Variants in RALGPS1 observed in about 807,000 individuals in gnomAD.
RALGPS1 encodes the protein Ral GEF with PH domain and SH3 binding motif 1.
In RALGPS1, 19 loss-of-function variants were observed where a neutral mutation model predicts 78.8. The observed-to-expected ratio is 0.24, with a 90% CI of 0.17 to 0.35. The LOEUF (loss-of-function observed/expected upper bound fraction) is 0.35. Ranked by LOEUF, RALGPS1 falls within the 10% of genes least tolerant of loss-of-function variation. RALGPS1 has a pLI of 1.00. For missense variants in RALGPS1, 454 were observed against 688.3 expected (o/e 0.66, Z 3.81); for synonymous variants, 228 against 256.3 (o/e 0.89, Z 1.06).
At chr9:127,174,646 C>A (rs879126457) in intron 10 of RALGPS1, 69 bp from the exon 11 acceptor site, 107 of 1,427,282 alleles carry the variant, frequency 7.5e-5, no homozygotes, top group Admixed American at 2.4e-4. Context: ...GTAGCTTTTC[C>A]CAGCCCCAAA....
intron 8 of RALGPS1, among the ~76,000 whole-genome samples, chr9:127,131,603 C>A: frequency 6.6e-6 from 1 of 152,314 alleles, no homozygotes; most frequent in African/African-American, 2.4e-5. Context: ...CAGTAAGCAG[C>A]GAAGTCAGGA....
chr9:127,000,534 CTTTTTTTTTTTTTTTTT>C (rs1163116649), intron 4 of RALGPS1, among the ~76,000 whole-genome samples: 10 of 33,338 alleles, frequency 3.0e-4, no homozygotes, highest in East Asian at 1.3e-3. Context: ...CTTGTCTTGT[CTTTTTTTTTTTTTTTTT>C]TTTTTTTTTT....
intron 4 of RALGPS1, among the ~76,000 whole-genome samples, chr9:126,982,894 CTCT>C (rs1001744447): frequency 9.8e-5 from 12 of 122,128 alleles, no homozygotes; most frequent in African/African-American, 3.3e-4. Flanking sequence ...TCCCCTTCTT[CTCT>C]TCTTTTCTTC....
chr9:127,219,278 C>T lies in RALGPS1; in HGVS notation c.*509C>T, dbSNP rs923841925. The stretch of plus-strand genomic sequence containing the variant: ...CTGTACGTGTGTGTGTGTGTGTGAG[C>T]GAGTGTGAACTCTTCAAGAAACATG... On this transcript the variant is annotated 3_prime_UTR_variant, in exon 19 of 19. Transcript: ENST00000259351. This position sits in a 1 kb window ranked among gnomAD's most constrained non-coding sequence, Gnocchi z 5.0. 3.0e-5 allele frequency: 5 copies of T among 164,168 alleles called. No individual in the cohort carries two copies. Among genetic ancestry groups the T allele is most frequent in the Admixed American group, 1.7e-4 (3 of 17,322 alleles). 10.2% of individuals were successfully genotyped at this position (164,168 alleles called of 1,614,324 possible). A position where few individuals can be genotyped will look rare whatever the true frequency, so the allele number is the denominator to read the frequency against.
chr9:127,110,176 C>T (rs1482161997), intron 8 of RALGPS1, among the ~76,000 whole-genome samples: 1 of 152,180 alleles, frequency 6.6e-6, no homozygotes, highest in African/African-American at 2.4e-5. Context: ...CTCTTGAGCC[C>T]ACCCTCATCA....
Position 127,052,891 on chromosome 9 carries a change from A to G in RALGPS1, c.435A>G (p.Val145=), listed in dbSNP as rs2048412050. 4 of 1,611,126 alleles carry G rather than the reference A, an allele frequency of 2.5e-6. No homozygotes were observed. The highest frequency in any genetic ancestry group is 2.2e-5 in the East Asian group (1 of 44,874). Residue 145 remains valine (V), a synonymous_variant, in exon 7 of 19, where the codon GTA becomes GTG. Coordinates refer to ENST00000259351, the MANE Select transcript of RALGPS1 (RefSeq NM_014636.3). ...LNNLHSLMSV[V]SALQSAPIFR... ...ACCTTCATTCTCTCATGTCTGTGGT[A>G]TCAGCATTACAAAGTGCTCCCATCT...
intron 8 of RALGPS1, among the ~76,000 whole-genome samples, chr9:127,139,183 A>G (rs2138582462): frequency 6.6e-6 from 1 of 152,324 alleles, no homozygotes; most frequent in African/African-American, 2.4e-5. Context: ...TGGGTCACGT[A>G]GTCCTGTGCT....
At chr9:126,983,217 G>A (rs2041490218) in intron 4 of RALGPS1, among the ~76,000 whole-genome samples, 1 of 151,944 alleles carries the variant, frequency 6.6e-6, no homozygotes, top group Non-Finnish European at 1.5e-5. Flanking sequence ...GATTACAGAT[G>A]TAAGCCACTG....
intron 8 of RALGPS1, chr9:127,069,635 A>AT: frequency 3.1e-6 from 1 of 322,106 alleles, no homozygotes; most frequent in South Asian, 4.0e-5. Context: ...AATGAGAGTG[A>AT]TAAGACTCGT....
intron 8 of RALGPS1, among the ~76,000 whole-genome samples, chr9:127,133,478 G>A (rs1048405933): frequency 4.6e-5 from 7 of 152,210 alleles, no homozygotes; most frequent in African/African-American, 7.2e-5. Context: ...AGCCGCCTTT[G>A]CCTGCAAATA....
intron 14 of RALGPS1, among the ~76,000 whole-genome samples, chr9:127,201,484 C>G (rs115556454): frequency 6.2e-4 from 94 of 152,370 alleles, no homozygotes; most frequent in African/African-American, 2.2e-3. Context: ...CCATCCTGCA[C>G]TGCTTCTTAC....
At chr9:127,089,057 C>A (rs1392411907) in intron 8 of RALGPS1, 1 of 1,614,190 alleles carries the variant, frequency 6.2e-7, no homozygotes, top group South Asian at 1.1e-5. Context: ...GTAATGGCCC[C>A]CGCGGTACCA....
chr9:127,173,333 G>A (rs763085566), intron 10 of RALGPS1, among the ~76,000 whole-genome samples: 6 of 152,126 alleles, frequency 3.9e-5, no homozygotes, highest in Admixed American at 6.5e-5. Context: ...CAGAGGGAGC[G>A]ATAAGGACCC....
rs765070659 is a variant in RALGPS1, at chr9:127,212,740, C to T, written c.1446+21C>T. The T allele has an allele frequency of 8.8e-6, 14 of 1,586,398 alleles. No individual in the cohort carries two copies. Among genetic ancestry groups the T allele is most frequent in the Non-Finnish European group, 1.1e-5 (13 of 1,156,544 alleles). ...AACACGTAAGTCCCTTGAAAGGACT[C>T]TAGTGCTGGGACTTCCTCTAGTGGG... On this transcript the variant is annotated intron_variant, in intron 16 of 18. Coordinates refer to ENST00000259351, the MANE Select transcript of RALGPS1 (RefSeq NM_014636.3). The surrounding 1 kb of genome is among the most constrained non-coding windows in gnomAD (Gnocchi z 6.0).
At chr9:127,083,703 C>T (rs1341452526) in intron 8 of RALGPS1, among the ~76,000 whole-genome samples, 2 of 152,182 alleles carry the variant, frequency 1.3e-5, no homozygotes, top group African/African-American at 2.4e-5. Context: ...TCCTTTTGAG[C>T]CTACTCTGTG....
At chr9:127,194,955 C>A in intron 11 of RALGPS1, 136 bp from the exon 12 acceptor site, 1 of 1,020,790 alleles carries the variant, frequency 9.8e-7, no homozygotes, top group Non-Finnish European at 1.5e-6. Flanking sequence ...TCATATGAAC[C>A]TTGCCCCACC....
Position 127,212,537 on chromosome 9 carries a change from A to G in RALGPS1, c.1354-90A>G. 2.2e-6 allele frequency: 2 copies of G among 924,326 alleles called. No homozygotes were observed. Among genetic ancestry groups the G allele is most frequent in the African/African-American group, 1.7e-5 (1 of 60,170 alleles). The allele number at this position is 924,326 out of a possible 1,614,324, so 57.3% of individuals were successfully genotyped here. On this transcript the variant is annotated intron_variant, in intron 15 of 18. Transcript: ENST00000259351. The surrounding 1 kb of genome is among the most constrained non-coding windows in gnomAD (Gnocchi z 6.0). The stretch of plus-strand genomic sequence containing the variant: ...GGGAAGAGATGGGGCCTGCACTGGC[A>G]TTGATGGGATGGCTGGGTCTGTAAT...
intron 13 of RALGPS1, among the ~76,000 whole-genome samples, chr9:127,197,710 C>T (rs1389260087): frequency 2.6e-5 from 4 of 152,166 alleles, no homozygotes; most frequent in Non-Finnish European, 5.9e-5. Flanking sequence ...TACAACAGCT[C>T]AGGACGATGT....
At chr9:127,198,722 G>A (rs2812286) in intron 13 of RALGPS1, among the ~76,000 whole-genome samples, 92,387 of 151,982 alleles carry the variant, frequency 0.61, 31,108 homozygotes, top group Admixed American at 0.76. Flanking sequence ...GCCAGGTCAG[G>A]CCCAGAAGAA....
Sources: gnomAD v4.1 joint callset for allele counts (sites outside exome capture counted in the v4.1 genomes callset) on GRCh38, gnomAD v4.1.1 for gene constraint, Gnocchi (gnomAD v3.1) non-coding constraint, MANE v1.5 for transcripts, NCBI Gene and HGNC (gene_info 2026-07-23, HGNC 2026-07-21) for gene names.